Variants in WDR37 observed in about 807,000 individuals in gnomAD.
WDR37 encodes WD repeat-containing protein 37.
In WDR37, 19 loss-of-function variants were observed where a neutral mutation model predicts 62.9. The ratio of observed to expected loss-of-function variants is 0.30; its 90% CI spans 0.21 to 0.44. The LOEUF (loss-of-function observed/expected upper bound fraction) is 0.44, where lower values mean the gene tolerates loss of function less well. WDR37 is among the 20% of genes least tolerant of loss of function. The pLI is 1.00. For missense variants in WDR37, 474 were observed against 657.6 expected, an observed-to-expected ratio of 0.72 and a Z score of 3.05; for synonymous variants, 250 against 260.9, an observed-to-expected ratio of 0.96 and a Z score of 0.40.
rs904137873 is a variant in WDR37, at chr10:1,130,462, G to A, written c.*1118G>A. ...GTGACGAGACACTTCCAGGTCTTGT[G>A]GTGGGGACGCCTCTCAGTGCCAGTC... is the stretch of plus-strand genomic sequence containing the variant. On this transcript the variant is annotated 3_prime_UTR_variant, in exon 14 of 14. Coordinates refer to ENST00000263150, the MANE Select transcript of WDR37 (RefSeq NM_014023.4). 1.8e-4 allele frequency: 28 copies of A among 152,654 alleles called. No individual in the cohort carries two copies. The highest frequency in any genetic ancestry group is 5.5e-4 in the African/African-American group (23 of 41,468). 9.5% of individuals were successfully genotyped at this position (152,654 alleles called of 1,614,324 possible).
chr10:1,066,211 G>A lies in WDR37; in HGVS notation c.-40-5905G>A, dbSNP rs189662479. On this transcript the variant is annotated intron_variant, in intron 1 of 13. Coordinates refer to ENST00000263150, the MANE Select transcript of WDR37 (RefSeq NM_014023.4). ...GCTCACTGCAACCTCCGCCTCCCGG[G>A]TTGATGCCATTCTCCTGCCTCAGCC... Among the ~76,000 whole-genome samples the A allele has an allele frequency of 2.6e-5, 4 of 152,272 alleles. No individual in the cohort carries two copies. The South Asian group carries it at 6.2e-4, about 24-fold the overall frequency.
At chr10:1,065,162 G>A (rs575052447) in intron 1 of WDR37, among the ~76,000 whole-genome samples, 110 of 152,282 alleles carry the variant, frequency 7.2e-4, no homozygotes, top group Non-Finnish European at 1.1e-3. Flanking sequence ...TTTAGTATTC[G>A]TTTATTTTCT....
rs1265819710 is a variant in WDR37 at position 1,056,458 on chromosome 10, GC to G, written c.-550del. 1 of 152,154 alleles carries G rather than the reference GC, an allele frequency of 6.6e-6. No individual in the cohort carries two copies. The highest frequency in any genetic ancestry group is 6.5e-5 in the Admixed American group (1 of 15,276). The allele number at this position is 152,154 out of a possible 1,614,324, so 9.4% of individuals were successfully genotyped here. A position where few individuals can be genotyped will look rare whatever the true frequency, so the allele number is the denominator to read the frequency against. ...CGCGGCCGGCACCGCGGCCCTGAGC[GC>G]AGGCGGCCCCGGGTCTCAGGCCTCA... On this transcript the variant is annotated 5_prime_UTR_variant, in exon 1 of 14. Coordinates refer to ENST00000263150, the MANE Select transcript of WDR37 (RefSeq NM_014023.4).
At position 1,105,407 on chromosome 10, in the gene WDR37, C is replaced by G; in HGVS notation, c.1103+140C>G. Reference sequence around the variant, plus strand: ...AAAAATAACTACCTTTCAAATTCTGCTATTCTTTTTCTAAACATTTAGCTC... The same window carrying G: ...AAAAATAACTACCTTTCAAATTCTGGTATTCTTTTTCTAAACATTTAGCTC... On this transcript the variant is annotated intron_variant, in intron 11 of 13. Transcript: ENST00000263150. The surrounding 1 kb of genome is among the most constrained non-coding windows in gnomAD (Gnocchi z 5.3). 1 of 1,168,224 alleles carries G rather than the reference C, an allele frequency of 8.6e-7. No homozygotes were observed. The highest frequency in any genetic ancestry group is 1.2e-6 in the Non-Finnish European group (1 of 843,958). The allele number at this position is 1,168,224 out of a possible 1,614,324, so 72.4% of individuals were successfully genotyped here. A position where few individuals can be genotyped will look rare whatever the true frequency, so the allele number is the denominator to read the frequency against.
intron 9 of WDR37, among the ~76,000 whole-genome samples, chr10:1,100,292 C>T (rs963773907): frequency 6.6e-5 from 10 of 152,144 alleles, no homozygotes; most frequent in African/African-American, 2.2e-4. Flanking sequence ...GGGAGCACTG[C>T]ACACACAGTT....
chr10:1,115,085 G>A (rs1461874747), intron 11 of WDR37, among the ~76,000 whole-genome samples: 1 of 151,146 alleles, frequency 6.6e-6, no homozygotes, highest in Non-Finnish European at 1.5e-5. Flanking sequence ...GCTGACAGGC[G>A]AGGTGTCACT....
intron 5 of WDR37, among the ~76,000 whole-genome samples, chr10:1,083,342 T>C (rs1834090602): frequency 6.6e-6 from 1 of 152,246 alleles, no homozygotes; most frequent in South Asian, 2.1e-4. Context: ...CAGCCTTTTA[T>C]ATCACTGTAT....
At position 1,129,412 on chromosome 10, in the gene WDR37, G is replaced by A. The variant is rs773559974; in HGVS notation, c.*68G>A. On this transcript the variant is annotated 3_prime_UTR_variant, in exon 14 of 14. Coordinates refer to ENST00000263150, the MANE Select transcript of WDR37 (RefSeq NM_014023.4). ...CTTTGATGGGTGCAGGCTTTTCTGC[G>A]TATTAATCAGCCATTTTTGTGAGAG... 125 of 1,586,668 alleles carry A rather than the reference G, an allele frequency of 7.9e-5. No homozygotes were observed. The highest frequency in any genetic ancestry group is 9.6e-5 in the Non-Finnish European group (112 of 1,162,418).
At chr10:1,072,351 C>T (rs1833755092) in intron 2 of WDR37, 58 bp downstream of exon 2, 1 of 1,595,416 alleles carries the variant, frequency 6.3e-7, no homozygotes, top group Non-Finnish European at 8.6e-7. Context: ...CAGAGTTTCG[C>T]TCGTTTCCCC....
At chr10:1,057,963 G>A (rs1428115397) in intron 1 of WDR37, among the ~76,000 whole-genome samples, 2 of 152,174 alleles carry the variant, frequency 1.3e-5, no homozygotes, top group African/African-American at 2.4e-5. Context: ...AACTTTCTTC[G>A]TCTTCTGAAC....
intron 3 of WDR37, among the ~76,000 whole-genome samples, chr10:1,079,077 A>G (rs1244749492): frequency 2.9e-5 from 4 of 136,704 alleles, no homozygotes; most frequent in South Asian, 4.9e-4. Flanking sequence ...GGGAAAAATC[A>G]TTTCAACTTT....
chr10:1,096,376 G>A (rs890248345), intron 9 of WDR37, 130 bp downstream of exon 9: 48 of 968,690 alleles, frequency 5.0e-5, no homozygotes, highest in Non-Finnish European at 6.3e-5. Flanking sequence ...CCTCACCCCC[G>A]GTATGGTTGA....
Position 1,105,019 on chromosome 10 carries a change from T to G in WDR37, c.962-107T>G. 1.4e-6 allele frequency: 2 copies of G among 1,390,856 alleles called. No individual in the cohort carries two copies. Among genetic ancestry groups the G allele is most frequent in the Non-Finnish European group, 1.9e-6 (2 of 1,028,814 alleles). The allele number at this position is 1,390,856 out of a possible 1,614,324, so 86.2% of individuals were successfully genotyped here. A position where few individuals can be genotyped will look rare whatever the true frequency, so the allele number is the denominator to read the frequency against. ...TGCTGAGTGATTCCATTAGGTCAGG[T>G]TCACAGTCTCAGAGAGACGGCTTCT... is the stretch of plus-strand genomic sequence containing the variant. On this transcript the variant is annotated intron_variant, in intron 10 of 13. Transcript: ENST00000263150. This position sits in a 1 kb window ranked among gnomAD's most constrained non-coding sequence, Gnocchi z 5.3.
intron 10 of WDR37, among the ~76,000 whole-genome samples, chr10:1,104,306 C>T (rs188292776): frequency 0.01 from 1,537 of 152,328 alleles, 13 homozygotes; most frequent in Admixed American, 0.015. Flanking sequence ...CTTCTTGCGT[C>T]TGGAGTTTGA....
At chr10:1,091,336 C>A (rs187297540) in intron 7 of WDR37, among the ~76,000 whole-genome samples, 1 of 152,182 alleles carries the variant, frequency 6.6e-6, no homozygotes, top group African/African-American at 2.4e-5. Flanking sequence ...GTCTAGTGAT[C>A]GTTTGGTTTT....
intron 7 of WDR37, 70 bp downstream of exon 7, chr10:1,086,427 A>T: frequency 7.8e-7 from 1 of 1,274,442 alleles, no homozygotes; most frequent in African/African-American, 1.5e-5. Context: ...AAAATCGTGC[A>T]TGATAAAGCC....
At position 1,129,270 on chromosome 10, in the gene WDR37, C is replaced by T; in HGVS notation, c.1411C>T (p.Leu471=). ...GAGTGAAGACCACCCCGTGTGCAAT[C>T]TGTTCACCTGTGGGTTTGACCGGCA... is the stretch of plus-strand genomic sequence containing the variant. The part of the protein sequence containing the change: ...AWSEDHPVCN[L]FTCGFDRQAI... Residue 471 remains leucine, a synonymous_variant, in exon 14 of 14, where the codon CTG becomes TTG. Coordinates refer to ENST00000263150, the MANE Select transcript of WDR37 (RefSeq NM_014023.4). 1 of 1,614,198 alleles carries T rather than the reference C, an allele frequency of 6.2e-7. No homozygotes were observed. The highest frequency in any genetic ancestry group is 1.3e-5 in the African/African-American group (1 of 75,050).
At chr10:1,126,327 A>AC (rs1224940119) in intron 13 of WDR37, among the ~76,000 whole-genome samples, 5 of 148,254 alleles carry the variant, frequency 3.4e-5, no homozygotes, top group South Asian at 2.1e-4. Context: ...AATGGCGTGA[A>AC]CCCAGGAGGC....
At chr10:1,068,537 G>T (rs1393535665) in intron 1 of WDR37, among the ~76,000 whole-genome samples, 1 of 151,958 alleles carries the variant, frequency 6.6e-6, no homozygotes, top group Non-Finnish European at 1.5e-5. Context: ...TTGTATACCT[G>T]GCACAAAATT....
Sources: gnomAD v4.1 joint callset for allele counts (sites outside exome capture counted in the v4.1 genomes callset) on GRCh38, gnomAD v4.1.1 for gene constraint, Gnocchi (gnomAD v3.1) non-coding constraint, MANE v1.5 for transcripts, NCBI Gene and HGNC (gene_info 2026-07-23, HGNC 2026-07-21) for gene names.